Variants in NR5A2 observed in about 807,000 individuals in gnomAD.
The protein encoded by NR5A2 is CYP7A promoter-binding factor.
NR5A2 carries 26 observed loss-of-function variants against 62.7 expected under a neutral mutation model. The ratio of observed to expected loss-of-function variants is 0.41; its 90% CI spans 0.30 to 0.58. The LOEUF (loss-of-function observed/expected upper bound fraction) is 0.58, where lower values mean the gene tolerates loss of function less well. Ranked by LOEUF, NR5A2 falls within the 20% of genes least tolerant of loss-of-function variation. NR5A2 has a pLI of 0.22. For synonymous variants in NR5A2, 246 were observed against 241.7 expected (o/e 1.02, Z -0.16); for missense variants, 541 against 669.1 (o/e 0.81, Z 2.11).
At chr1:200,073,052 G>A (rs777448743) in intron 5 of NR5A2, among the ~76,000 whole-genome samples, 28 of 151,906 alleles carry the variant, frequency 1.8e-4, no homozygotes, top group South Asian at 4.1e-4. Flanking sequence ...GAAAATCAGC[G>A]TTGATTGCTT....
At chr1:200,056,787 G>A (rs556869950) in intron 5 of NR5A2, among the ~76,000 whole-genome samples, 1 of 152,252 alleles carries the variant, frequency 6.6e-6, no homozygotes, top group East Asian at 1.9e-4. Context: ...GTATTAACCT[G>A]TATGTTATCT....
chr1:200,133,691 G>A (rs1667091889), intron 7 of NR5A2, among the ~76,000 whole-genome samples: 1 of 150,584 alleles, frequency 6.6e-6, no homozygotes, highest in Admixed American at 6.6e-5. Context: ...CTATAATGGA[G>A]GTGAAAAATT....
chr1:200,114,892 G>A (rs1047340084), intron 6 of NR5A2, among the ~76,000 whole-genome samples: 2 of 152,154 alleles, frequency 1.3e-5, no homozygotes, highest in Non-Finnish European at 2.9e-5. Context: ...CCGTTTATCT[G>A]ATTAACTCAC....
chr1:200,111,396 G>C (rs1002816870), intron 6 of NR5A2, 75 bp downstream of exon 6: 2 of 1,500,556 alleles, frequency 1.3e-6, no homozygotes, highest in African/African-American at 2.8e-5. Context: ...AATTTAACTA[G>C]GTCAGAAGCA....
intron 5 of NR5A2, among the ~76,000 whole-genome samples, chr1:200,106,061 C>CCTCTGTTT (rs373033375): frequency 0.43 from 48,551 of 113,974 alleles, 8,714 homozygotes; most frequent in South Asian, 0.5. Flanking sequence ...CAGATTCACT[C>CCTCTGTTT]TTCTTTTTTT....
At chr1:200,106,900 C>T (rs897403318) in intron 5 of NR5A2, among the ~76,000 whole-genome samples, 1 of 152,202 alleles carries the variant, frequency 6.6e-6, no homozygotes, top group Non-Finnish European at 1.5e-5. Context: ...CACCATGAAG[C>T]TGCACACTCA....
At chr1:200,102,407 T>A (rs976136782) in intron 5 of NR5A2, among the ~76,000 whole-genome samples, 1 of 152,192 alleles carries the variant, frequency 6.6e-6, no homozygotes, top group South Asian at 2.1e-4. Flanking sequence ...ACTGAGTGAC[T>A]CTGGATTGAG....
chr1:200,170,075 C>T (rs1296651884), intron 7 of NR5A2, among the ~76,000 whole-genome samples: 3 of 152,150 alleles, frequency 2.0e-5, no homozygotes, highest in African/African-American at 7.2e-5. Flanking sequence ...AACTCCAGAA[C>T]ATGTAATCAT....
chr1:200,145,026 A>G (rs917828542), intron 7 of NR5A2, among the ~76,000 whole-genome samples: 2 of 152,122 alleles, frequency 1.3e-5, no homozygotes, highest in African/African-American at 4.8e-5. Flanking sequence ...AAATATTCAG[A>G]ACTGGGCGGG....
chr1:200,085,882 C>G (rs2102242961), intron 5 of NR5A2, among the ~76,000 whole-genome samples: 1 of 152,284 alleles, frequency 6.6e-6, no homozygotes, highest in Middle Eastern at 3.4e-3. Context: ...TATCTTCAAA[C>G]TAACAAATGT....
intron 7 of NR5A2, among the ~76,000 whole-genome samples, chr1:200,151,200 G>A (rs1653097239): frequency 6.6e-6 from 1 of 152,156 alleles, no homozygotes; most frequent in Admixed American, 6.5e-5. Context: ...ACATTGTCTT[G>A]TGTCTTTTAG....
intron 2 of NR5A2, among the ~76,000 whole-genome samples, chr1:200,040,885 G>T (rs778343738): frequency 1.3e-5 from 2 of 152,252 alleles, no homozygotes; most frequent in African/African-American, 2.4e-5. Flanking sequence ...TGCGCCGTGC[G>T]GGTTGTGATC....
rs191160461 is a variant in NR5A2, at chr1:200,114,632, G to C, written c.1230+3311G>C. Among the ~76,000 whole-genome samples the C allele has an allele frequency of 3.0e-4, 46 of 152,292 alleles. 2 individuals carry two copies. The highest frequency in any genetic ancestry group is 6.3e-4 in the Non-Finnish European group (43 of 68,026). ...GAGAGAATTGCAGTAGGAATTACAG[G>C]AAGTATTCTGTGAAATGCTGACACA... On this transcript the variant is annotated intron_variant, in intron 6 of 7. Coordinates refer to ENST00000367362, the MANE Select transcript of NR5A2 (RefSeq NM_205860.3).
chr1:200,075,095 T>C (rs1663965014), intron 5 of NR5A2, among the ~76,000 whole-genome samples: 1 of 152,248 alleles, frequency 6.6e-6, no homozygotes, highest in Non-Finnish European at 1.5e-5. Flanking sequence ...CAGACAGCTC[T>C]GTGGTAATTT....
intron 7 of NR5A2, among the ~76,000 whole-genome samples, chr1:200,160,898 A>G (rs1490286028): frequency 6.6e-6 from 1 of 152,120 alleles, no homozygotes; most frequent in African/African-American, 2.4e-5. Flanking sequence ...TTCTAAGAGA[A>G]TAAAACTTTG....
rs1429319642 is a variant in NR5A2 at position 200,039,945 on chromosome 1, A to G, written c.202+150A>G. On this transcript the variant is annotated intron_variant, in intron 2 of 7. Transcript: ENST00000367362. The surrounding 1 kb of genome is among the most constrained non-coding windows in gnomAD (Gnocchi z 5.1). ...GGAGTCAAGCCCCCTCCCCAGGTGC[A>G]GGCATAAAAGTTTATGGCTCTTGAA... 3.7e-6 allele frequency: 3 copies of G among 818,294 alleles called. No individual in the cohort carries two copies. The highest frequency in any genetic ancestry group is 5.4e-6 in the Non-Finnish European group (3 of 557,746). The allele number at this position is 818,294 out of a possible 1,614,324, so 50.7% of individuals were successfully genotyped here.
Position 200,120,856 on chromosome 1 carries a change from C to T in NR5A2, c.1279C>T (p.Leu427Phe). The T allele has an allele frequency of 1.2e-6, 2 of 1,603,112 alleles. No individual in the cohort carries two copies. Among genetic ancestry groups the T allele is most frequent in the Non-Finnish European group, 8.5e-7 (1 of 1,175,922 alleles). Residue 427 changes from leucine to phenylalanine, a missense_variant, in exon 7 of 8, where the codon CTC becomes TTC. This residue lies in a region of NR5A2 where 379 missense variants were observed against 442.0 expected (regional missense o/e 0.86). Coordinates refer to ENST00000367362, the MANE Select transcript of NR5A2 (RefSeq NM_205860.3). ...ASQAGATLNN[L>F]MSHAQELVAK... ...ACAAGCCGGAGCCACCCTCAACAAC[C>T]TCATGAGTCATGCACAGGAGTTAGT... is the stretch of plus-strand genomic sequence containing the variant.
rs571937869 is a variant in NR5A2, at chr1:200,167,332, CCATCCAGGACCCT to C, written c.1379-6628_1379-6616del. ...TCTTCCCTTAACAGACACCTGGAAG[CCATCCAGGACCCT>C]CACTCTTTCTCTCTGTCTCTCCTAT... On this transcript the variant is annotated intron_variant, in intron 7 of 7. Coordinates refer to ENST00000367362, the MANE Select transcript of NR5A2 (RefSeq NM_205860.3). Among the ~76,000 whole-genome samples the C allele has an allele frequency of 1.1e-4, 17 of 152,294 alleles. No individual in the cohort carries two copies. The East Asian group carries it at 3.1e-3, about 28-fold the overall frequency.
At chr1:200,172,417 A>C (rs915101549) in intron 7 of NR5A2, among the ~76,000 whole-genome samples, 1 of 152,196 alleles carries the variant, frequency 6.6e-6, no homozygotes, top group Non-Finnish European at 1.5e-5. Flanking sequence ...TTTAAATGCC[A>C]CCGGAAGACT....
Sources: allele counts gnomAD v4.1 joint callset (sites outside exome capture counted in the v4.1 genomes callset), GRCh38; gene constraint gnomAD v4.1.1; regional missense constraint gnomAD v4.1.1; non-coding constraint Gnocchi (gnomAD v3.1); transcripts MANE v1.5; gene names NCBI Gene and HGNC (gene_info 2026-07-23, HGNC 2026-07-21).